The following EGFL6 variants were observed in gnomAD, a reference collection of about 807,000 sequenced individuals.
The protein encoded by EGFL6 is epidermal growth factor-like protein 6.
EGFL6 carries 42 observed loss-of-function variants against 43.1 expected under a neutral mutation model. That is an observed-to-expected ratio of 0.98 (90% CI 0.76 to 1.26). EGFL6 has a LOEUF of 1.26. Among genes scored for constraint, EGFL6 ranks in the 50% most tolerant of loss-of-function variants. The pLI is 0.00. For synonymous variants in EGFL6, 164 were observed against 163.2 expected, an observed-to-expected ratio of 1.01 and a Z score of -0.04; for missense variants, 429 against 427.8, an observed-to-expected ratio of 1.00 and a Z score of -0.02.
Position 13,598,943 on chromosome X carries a change from C to CAT in EGFL6, c.281-1017_281-1016dup, listed in dbSNP as rs544045963. Among the ~76,000 whole-genome samples, 60 of 100,276 alleles carry CAT rather than the reference C, an allele frequency of 6.0e-4. No individual in the cohort carries two copies. The East Asian group carries it at 7.8e-3, about 13-fold the overall frequency. The allele number at this position is 100,276 out of a possible 115,157, so 87.1% of individuals were successfully genotyped here. A position where few individuals can be genotyped will look rare whatever the true frequency, so the allele number is the denominator to read the frequency against. Reference sequence around the variant, plus strand: ...ATATATAATTCACATATATATAATTCATATATATATATATATTTTTTTAAA... The same window carrying CAT: ...ATATATAATTCACATATATATAATTCATATATATATATATATATTTTTTTAAA... On this transcript the variant is annotated intron_variant, in intron 3 of 11. Coordinates refer to ENST00000361306, the MANE Select transcript of EGFL6 (RefSeq NM_015507.4).
intron 3 of EGFL6, 103 bp downstream of exon 3, chrX:13,595,031 A>G: frequency 1.9e-6 from 1 of 536,476 alleles, no homozygotes. Flanking sequence ...TTAAAGTCAA[A>G]TCTTCAAATG....
In EGFL6 at chrX:13,591,497, C is replaced by T. The variant is rs887799966; in HGVS notation, c.187+1829C>T. Among the ~76,000 whole-genome samples the T allele has an allele frequency of 3.6e-5, 4 of 112,138 alleles. No homozygotes were observed. In the South Asian group the frequency reaches 1.5e-3, roughly 42 times the overall value. Reference sequence around the variant, plus strand: ...TCTTAAATTGCAATGATTTTTAGATCTAAAATGTGTATCATGTTTTATCCA... The same window carrying T: ...TCTTAAATTGCAATGATTTTTAGATTTAAAATGTGTATCATGTTTTATCCA... On this transcript the variant is annotated intron_variant, in intron 2 of 11. Coordinates refer to ENST00000361306, the MANE Select transcript of EGFL6 (RefSeq NM_015507.4).
chrX:13,595,145 T>C (rs1159825640), intron 3 of EGFL6, among the ~76,000 whole-genome samples: 1 of 111,716 alleles, frequency 9.0e-6, no homozygotes, highest in African/African-American at 3.3e-5. Context: ...TTCTTTTCTT[T>C]TCTTTTTTTA....
intron 11 of EGFL6, 36 bp downstream of exon 11, chrX:13,627,312 C>T: frequency 8.4e-7 from 1 of 1,183,598 alleles, no homozygotes; most frequent in Non-Finnish European, 1.1e-6. Flanking sequence ...TCAATATTTG[C>T]ATTCTTTTGC....
chrX:13,584,181 T>C (rs1034732639), intron 1 of EGFL6, among the ~76,000 whole-genome samples: 9 of 111,882 alleles, frequency 8.0e-5, no homozygotes, highest in Admixed American at 1.9e-4. Flanking sequence ...AGTTAATATA[T>C]AGTAGAGCCA....
chrX:13,629,314 C>T (rs1423106195), intron 11 of EGFL6, among the ~76,000 whole-genome samples: 1 of 112,356 alleles, frequency 8.9e-6, no homozygotes, highest in African/African-American at 3.2e-5. Context: ...CATGCCTCTG[C>T]ACAGCATTCA....
At chrX:13,587,442 A>T in intron 1 of EGFL6, among the ~76,000 whole-genome samples, 1 of 111,585 alleles carries the variant, frequency 9.0e-6, no homozygotes, top group Non-Finnish European at 1.9e-5. Flanking sequence ...TGGGGTACCC[A>T]TCAAATACTC....
At chrX:13,600,162 G>A (rs960061310) in intron 4 of EGFL6, 68 bp downstream of exon 4, 3 of 1,082,242 alleles carry the variant, frequency 2.8e-6, no homozygotes, top group Middle Eastern at 2.7e-4. Flanking sequence ...TTGATGCTTG[G>A]GGAAAAGCTG....
rs186733559 is a variant in EGFL6, at chrX:13,600,174, C to G, written c.400+80C>G. The G allele has an allele frequency of 6.8e-5, 69 of 1,009,832 alleles. No homozygotes were observed. The African/African-American group carries it at 1.3e-3, about 19-fold the overall frequency. The allele number at this position is 1,009,832 out of a possible 1,213,427, so 83.2% of individuals were successfully genotyped here. A position where few individuals can be genotyped will look rare whatever the true frequency, so the allele number is the denominator to read the frequency against. Reference sequence around the variant, plus strand: ...CATTTGATGCTTGGGGAAAAGCTGACTTCAGTGATTTTTTAAAAAATCTCT... The same window carrying G: ...CATTTGATGCTTGGGGAAAAGCTGAGTTCAGTGATTTTTTAAAAAATCTCT... On this transcript the variant is annotated intron_variant, in intron 4 of 11. Coordinates refer to ENST00000361306, the MANE Select transcript of EGFL6 (RefSeq NM_015507.4).
At chrX:13,571,781 CA>C (rs930693854) in intron 1 of EGFL6, among the ~76,000 whole-genome samples, 2 of 112,064 alleles carry the variant, frequency 1.8e-5, no homozygotes, top group African/African-American at 6.5e-5. Context: ...TTGGAAATGT[CA>C]AGTGGTCAGC....
chrX:13,608,390 G>C lies in EGFL6; in HGVS notation c.722G>C (p.Gly241Ala), dbSNP rs1334785575. The change falls in exon 7 of 12, where the codon GGG becomes GCG. Residue 241 changes from glycine to alanine, a missense_variant. Transcript: ENST00000361306. The stretch of plus-strand genomic sequence containing the variant: ...CATGCCAATTGCTTCAATACCCAAG[G>C]GTCCTTCAAGTGTAAATGCAAGCAG... Reference protein sequence around the residue: ...SHHANCFNTQGSFKCKCKQGY... With the variant: ...SHHANCFNTQASFKCKCKQGY... 7.4e-6 allele frequency: 9 copies of C among 1,211,193 alleles called. No homozygotes were observed. Among genetic ancestry groups the C allele is most frequent in the Non-Finnish European group, 8.9e-6 (8 of 895,159 alleles).
chrX:13,617,954 A>C lies in EGFL6; in HGVS notation c.1003A>C (p.Asn335His). 1 of 1,211,886 alleles carries C rather than the reference A, an allele frequency of 8.3e-7. No individual in the cohort carries two copies. The highest frequency in any genetic ancestry group is 2.3e-4 in the Middle Eastern group (1 of 4,352). ...GGNSHGGKKG[N>H]EEKMKEGLED... ...GAACTCTCATGGAGGTAAAAAAGGG[A>C]ATGAAGAGAAAATGAAAGAGGGGCT... Residue 335 changes from asparagine to histidine, a missense_variant, in exon 8 of 12, where the codon AAT becomes CAT. Transcript: ENST00000361306.
At chrX:13,630,047 C>A (rs1380495404) in intron 11 of EGFL6, among the ~76,000 whole-genome samples, 1 of 111,771 alleles carries the variant, frequency 8.9e-6, no homozygotes, top group Non-Finnish European at 1.9e-5. Context: ...CATCAGGCAA[C>A]CATTTTCTGC....
intron 11 of EGFL6, among the ~76,000 whole-genome samples, chrX:13,628,851 G>T (rs138070739): frequency 0.018 from 2,051 of 112,179 alleles, 46 homozygotes; most frequent in African/African-American, 0.062. Context: ...GTTTGGTCAA[G>T]GTGGGAAGGA....
At chrX:13,597,555 G>A (rs1395028390) in intron 3 of EGFL6, among the ~76,000 whole-genome samples, 4 of 111,787 alleles carry the variant, frequency 3.6e-5, no homozygotes, top group South Asian at 3.8e-4. Flanking sequence ...AGGTCGAGGT[G>A]GGTGGATCAC....
At chrX:13,582,127 A>G (rs755612248) in intron 1 of EGFL6, among the ~76,000 whole-genome samples, 1 of 108,181 alleles carries the variant, frequency 9.2e-6, no homozygotes, top group Non-Finnish European at 1.9e-5. Context: ...CAGTGGCGCA[A>G]TCTCGGCTGA....
In EGFL6 at chrX:13,569,770, A is replaced by C. The variant is rs2045428932; in HGVS notation, c.-92A>C. The C allele has an allele frequency of 1.3e-5, 12 of 896,878 alleles. No individual in the cohort carries two copies. Among genetic ancestry groups the C allele is most frequent in the Non-Finnish European group, 6.5e-6 (4 of 618,580 alleles). 73.9% of individuals were successfully genotyped at this position (896,878 alleles called of 1,213,427 possible). A position where few individuals can be genotyped will look rare whatever the true frequency, so the allele number is the denominator to read the frequency against. The stretch of plus-strand genomic sequence containing the variant: ...GTGGAGCGGAGGACCCGAGCGGCTG[A>C]GGAGAGAGGAGGCGGCGGCTTAGCT... On this transcript the variant is annotated 5_prime_UTR_variant, in exon 1 of 12. Transcript: ENST00000361306.
At chrX:13,626,631 G>A (rs1288194800) in intron 10 of EGFL6, among the ~76,000 whole-genome samples, 1 of 111,895 alleles carries the variant, frequency 8.9e-6, no homozygotes, top group Non-Finnish European at 1.9e-5. Flanking sequence ...GACTCAGTGG[G>A]GAAGTGCATT....
At chrX:13,600,182 A>AT in intron 4 of EGFL6, 88 bp downstream of exon 4, 1 of 942,772 alleles carries the variant, frequency 1.1e-6, no homozygotes, top group Non-Finnish European at 1.4e-6. Flanking sequence ...GACTTCAGTG[A>AT]TTTTTTAAAA....
Sources: allele counts gnomAD v4.1 joint callset (sites outside exome capture counted in the v4.1 genomes callset), GRCh38; gene constraint gnomAD v4.1.1; transcripts MANE v1.5; gene names NCBI Gene and HGNC (gene_info 2026-07-23, HGNC 2026-07-21).